The following ARHGEF3 variants were observed in gnomAD, a reference collection of about 807,000 sequenced individuals.
ARHGEF3 encodes 59.8 kDA protein.
Under a neutral mutation model 63.2 loss-of-function variants are expected in ARHGEF3, and 28 were observed. That is an observed-to-expected ratio of 0.44 (90% CI 0.33 to 0.61). The LOEUF (loss-of-function observed/expected upper bound fraction) is 0.61, where lower values mean the gene tolerates loss of function less well. Ranked by LOEUF, ARHGEF3 falls within the 20% of genes least tolerant of loss-of-function variation. ARHGEF3 has a pLI of 0.03. For synonymous variants in ARHGEF3, 266 were observed against 254.2 expected (o/e 1.05, Z -0.44); for missense variants, 533 against 659.3 (o/e 0.81, Z 2.10).
At chr3:56,978,574 A>T (rs1413389319) in intron 2 of ARHGEF3, among the ~76,000 whole-genome samples, 1 of 152,256 alleles carries the variant, frequency 6.6e-6, no homozygotes, top group Non-Finnish European at 1.5e-5. Context: ...TTATATTTCA[A>T]ATTAGCAACT....
chr3:57,032,869 G>A (rs1432936300), intron 2 of ARHGEF3, among the ~76,000 whole-genome samples: 2 of 152,096 alleles, frequency 1.3e-5, no homozygotes, highest in Non-Finnish European at 2.9e-5. Flanking sequence ...AGAAAACAAC[G>A]TAGCAACCAC....
At chr3:57,007,126 CTTTTGT>C (rs1276711185) in intron 2 of ARHGEF3, 6 of 1,213,204 alleles carry the variant, frequency 4.9e-6, no homozygotes, top group South Asian at 4.4e-5. Flanking sequence ...TACTTGTGCA[CTTTTGT>C]TTTTATGTTA....
chr3:56,746,225 A>T (rs903079477), intron 6 of ARHGEF3, among the ~76,000 whole-genome samples: 2 of 152,158 alleles, frequency 1.3e-5, no homozygotes, highest in Non-Finnish European at 2.9e-5. Context: ...TTTCTCTTGT[A>T]CTAGGAAGCC....
intron 1 of ARHGEF3, chr3:56,775,513 C>T (rs887834618): frequency 1.8e-5 from 18 of 991,902 alleles, no homozygotes; most frequent in Middle Eastern, 5.1e-4. Context: ...AGCTTCTTAG[C>T]GTGCTAAGCT....
chr3:56,739,281 C>G (rs908692378), intron 7 of ARHGEF3, among the ~76,000 whole-genome samples: 41 of 152,130 alleles, frequency 2.7e-4, no homozygotes, highest in African/African-American at 9.6e-4. Flanking sequence ...AAAAGAAAAG[C>G]CAATCTCTGA....
intron 2 of ARHGEF3, among the ~76,000 whole-genome samples, chr3:57,005,715 C>T (rs1287279361): frequency 2.0e-5 from 3 of 152,112 alleles, no homozygotes; most frequent in South Asian, 2.1e-4. Context: ...GAAGGAGTGA[C>T]GGCATCACTT....
intron 3 of ARHGEF3, among the ~76,000 whole-genome samples, chr3:56,955,836 G>C (rs559821819): frequency 2.6e-5 from 4 of 152,338 alleles, no homozygotes; most frequent in South Asian, 4.1e-4. Context: ...TCCTGGCTGG[G>C]AGTGAGGGTG....
At chr3:56,926,392 G>C (rs1353866908) in intron 3 of ARHGEF3, among the ~76,000 whole-genome samples, 1 of 152,240 alleles carries the variant, frequency 6.6e-6, no homozygotes, top group Non-Finnish European at 1.5e-5. Flanking sequence ...AGCCAGAACA[G>C]CTGCATGACC....
At position 56,729,229 on chromosome 3, in the gene ARHGEF3, G is replaced by A. The variant is rs1026572166; in HGVS notation, c.*41C>T. ...ATCTGTGGAATGCAAATACTGTACA[G>A]GTAAGATGCAGGCCTGCTTCCCGAA... is the stretch of plus-strand genomic sequence containing the variant. On this transcript the variant is annotated 3_prime_UTR_variant, in exon 10 of 10. Coordinates refer to ENST00000296315, the MANE Select transcript of ARHGEF3 (RefSeq NM_019555.3). The A allele has an allele frequency of 2.0e-5, 31 of 1,549,582 alleles. No homozygotes were observed. Among genetic ancestry groups the A allele is most frequent in the South Asian group, 1.8e-4 (15 of 82,472 alleles).
intron 1 of ARHGEF3, among the ~76,000 whole-genome samples, chr3:57,042,683 TATA>T (rs1704257111): frequency 7.4e-5 from 3 of 40,366 alleles, no homozygotes; most frequent in South Asian, 8.8e-4. Flanking sequence ...TATATATATA[TATA>T]TATATATATA....
chr3:56,982,269 A>G (rs1338777707), intron 2 of ARHGEF3, among the ~76,000 whole-genome samples: 10 of 152,010 alleles, frequency 6.6e-5, no homozygotes, highest in Non-Finnish European at 1.2e-4. Flanking sequence ...AAAAAAAAAA[A>G]GTAAGCAAGC....
chr3:56,878,130 T>C (rs2040650859), intron 4 of ARHGEF3, among the ~76,000 whole-genome samples: 4 of 152,222 alleles, frequency 2.6e-5, no homozygotes, highest in Admixed American at 2.6e-4. Flanking sequence ...TAAGAAAGAA[T>C]GTCTGGTGCT....
intron 3 of ARHGEF3, among the ~76,000 whole-genome samples, chr3:56,949,466 A>C (rs2106671124): frequency 6.6e-6 from 1 of 152,132 alleles, no homozygotes; most frequent in East Asian, 1.9e-4. Flanking sequence ...AAAAATCACA[A>C]GCATTCTTAT....
Position 56,729,395 on chromosome 3 carries a change from T to C in ARHGEF3, c.1456A>G (p.Met486Val). ...ELQGETKLEQ[M>V]DQSDSESDCS... The stretch of plus-strand genomic sequence containing the variant: ...TCTGACTCACTGTCCGATTGGTCCA[T>C]CTGCTCAAGTTTTGTTTCTCCCTGT... The change falls in exon 10 of 10, where the codon ATG becomes GTG. Residue 486 changes from methionine (M) to valine (V), a missense_variant. Met to Val is a conservative substitution (Grantham distance 21). Coordinates refer to ENST00000296315, the MANE Select transcript of ARHGEF3 (RefSeq NM_019555.3). The C allele has an allele frequency of 1.2e-6, 2 of 1,614,122 alleles. No homozygotes were observed. The highest frequency in any genetic ancestry group is 2.2e-5 in the South Asian group (2 of 91,066).
At chr3:57,026,436 C>T (rs1482208650) in intron 2 of ARHGEF3, among the ~76,000 whole-genome samples, 1 of 152,142 alleles carries the variant, frequency 6.6e-6, no homozygotes, top group South Asian at 2.1e-4. Flanking sequence ...TCCCACCCCA[C>T]GCTTGCACAG....
chr3:56,958,048 A>G (rs1409197079), intron 3 of ARHGEF3, among the ~76,000 whole-genome samples: 1 of 152,170 alleles, frequency 6.6e-6, no homozygotes, highest in Non-Finnish European at 1.5e-5. Context: ...GTCAAATTTT[A>G]TGATTCCTAA....
At chr3:57,078,445 T>C (rs1706314511) in intron 1 of ARHGEF3, 1 of 152,234 alleles carries the variant, frequency 6.6e-6, no homozygotes, top group Admixed American at 6.5e-5. Flanking sequence ...AAGCCCGTGA[T>C]GGGGCTGCTG....
At chr3:56,970,673 C>T (rs191072303) in intron 2 of ARHGEF3, among the ~76,000 whole-genome samples, 51 of 152,322 alleles carry the variant, frequency 3.3e-4, no homozygotes, top group Middle Eastern at 6.8e-3. Context: ...TGCTGTGTTC[C>T]CCTTCTGTAT....
At chr3:56,945,637 G>A (rs1054655638) in intron 3 of ARHGEF3, among the ~76,000 whole-genome samples, 8 of 152,224 alleles carry the variant, frequency 5.3e-5, no homozygotes, top group East Asian at 3.8e-4. Context: ...CAGGAAGCTC[G>A]AACTGGGTGG....
Sources: gnomAD v4.1 joint callset for allele counts (sites outside exome capture counted in the v4.1 genomes callset) on GRCh38, gnomAD v4.1.1 for gene constraint, MANE v1.5 for transcripts, NCBI Gene and HGNC (gene_info 2026-07-23, HGNC 2026-07-21) for gene names.